SND1: variants seen among roughly 807,000 people sequenced by gnomAD.
SND1 encodes the protein staphylococcal nuclease domain-containing protein 1.
A neutral mutation model predicts 121.7 loss-of-function variants in SND1; 38 were observed. The observed-to-expected ratio is 0.31, with a 90% CI of 0.24 to 0.41. The LOEUF (loss-of-function observed/expected upper bound fraction) is 0.41, where lower values mean the gene tolerates loss of function less well. Ranked by LOEUF, SND1 falls within the 10% of genes least tolerant of loss-of-function variation. SND1 has a pLI of 1.00. For missense variants in SND1, 868 were observed against 1,184.6 expected, an observed-to-expected ratio of 0.73 and a Z score of 3.92; for synonymous variants, 401 against 447.4, an observed-to-expected ratio of 0.90 and a Z score of 1.31.
At chr7:128,058,257 A>G (rs1793174920) in intron 16 of SND1, among the ~76,000 whole-genome samples, 1 of 152,280 alleles carries the variant, frequency 6.6e-6, no homozygotes, top group Non-Finnish European at 1.5e-5. Context: ...TTCTCACTAC[A>G]TGTGCTTAGC....
intron 15 of SND1, among the ~76,000 whole-genome samples, chr7:127,983,979 C>T (rs568679985): frequency 1.8e-4 from 28 of 152,190 alleles, no homozygotes; most frequent in Non-Finnish European, 3.5e-4. Context: ...TGTGTTTACA[C>T]CTTTCAAATA....
At chr7:128,002,197 G>A (rs751084658) in intron 16 of SND1, among the ~76,000 whole-genome samples, 2 of 152,188 alleles carry the variant, frequency 1.3e-5, no homozygotes, top group Non-Finnish European at 2.9e-5. Flanking sequence ...CAGTCACCGC[G>A]CTGCTTTGGC....
intron 10 of SND1, among the ~76,000 whole-genome samples, chr7:127,794,470 G>A (rs929816103): frequency 6.6e-6 from 1 of 152,120 alleles, no homozygotes; most frequent in Admixed American, 6.5e-5. Context: ...TGTTCTTCCA[G>A]GAAGAAACTT....
At chr7:128,020,384 G>A (rs1461555196) in intron 16 of SND1, among the ~76,000 whole-genome samples, 11 of 152,216 alleles carry the variant, frequency 7.2e-5, no homozygotes, top group Non-Finnish European at 1.5e-5. Context: ...TGTAAGTCAT[G>A]GTGGCCCTGC....
intron 12 of SND1, among the ~76,000 whole-genome samples, chr7:127,849,164 G>T (rs931167828): frequency 2.0e-5 from 3 of 152,142 alleles, no homozygotes; most frequent in Admixed American, 6.5e-5. Flanking sequence ...TGTCAAGATG[G>T]CGCTTCCTGT....
intron 3 of SND1, among the ~76,000 whole-genome samples, chr7:127,698,269 G>A (rs1255240628): frequency 6.6e-6 from 1 of 152,110 alleles, no homozygotes; most frequent in East Asian, 1.9e-4. Context: ...AGAGGAATTG[G>A]ACTTTCTGGC....
intron 12 of SND1, among the ~76,000 whole-genome samples, chr7:127,846,430 T>C (rs2116651276): frequency 1.3e-5 from 2 of 152,294 alleles, no homozygotes; most frequent in Middle Eastern, 6.8e-3. Context: ...TCCTGAACTA[T>C]AGTTTGTGGT....
At chr7:127,797,220 G>A (rs770734940) in intron 10 of SND1, among the ~76,000 whole-genome samples, 3 of 152,104 alleles carry the variant, frequency 2.0e-5, no homozygotes, top group Non-Finnish European at 4.4e-5. Flanking sequence ...AGAGGAAACC[G>A]AGGCAAGCCA....
chr7:127,887,803 A>T, intron 12 of SND1, 99 bp from the exon 13 acceptor site: 1 of 705,090 alleles, frequency 1.4e-6, no homozygotes, highest in Admixed American at 2.2e-5. Flanking sequence ...TCCCTCTGCC[A>T]GAATGCGTTA....
At chr7:127,798,291 C>T (rs1242756285) in intron 10 of SND1, among the ~76,000 whole-genome samples, 4 of 152,196 alleles carry the variant, frequency 2.6e-5, no homozygotes, top group Non-Finnish European at 5.9e-5. Flanking sequence ...GCCACTGCCT[C>T]TTCTTTTCTG....
chr7:127,848,369 C>T (rs1026652968), intron 12 of SND1, among the ~76,000 whole-genome samples: 2 of 152,192 alleles, frequency 1.3e-5, no homozygotes, highest in African/African-American at 4.8e-5. Flanking sequence ...ACAAATGGCT[C>T]ATCTGGTTGG....
chr7:127,917,479 G>T (rs1005157355), intron 14 of SND1, among the ~76,000 whole-genome samples: 7 of 152,118 alleles, frequency 4.6e-5, no homozygotes, highest in Non-Finnish European at 1.0e-4. Flanking sequence ...ATATTAATGT[G>T]TGGTTTTTGT....
intron 10 of SND1, among the ~76,000 whole-genome samples, chr7:127,766,313 A>G (rs955041683): frequency 2.0e-5 from 3 of 152,186 alleles, no homozygotes; most frequent in Non-Finnish European, 4.4e-5. Flanking sequence ...AGTCTCAGGT[A>G]TTGTGTTATA....
At chr7:128,003,057 A>G (rs1245677004) in intron 16 of SND1, among the ~76,000 whole-genome samples, 1 of 152,166 alleles carries the variant, frequency 6.6e-6, no homozygotes, top group Non-Finnish European at 1.5e-5. Flanking sequence ...CCTTGTCTCT[A>G]ATGAAAATAC....
chr7:128,045,602 A>G (rs772417416), intron 16 of SND1, among the ~76,000 whole-genome samples: 3 of 152,214 alleles, frequency 2.0e-5, no homozygotes, highest in Non-Finnish European at 4.4e-5. Context: ...TTTAGGCTAT[A>G]TGTGTTTTAT....
At chr7:127,816,417 C>T (rs1247568147) in intron 11 of SND1, among the ~76,000 whole-genome samples, 1 of 152,158 alleles carries the variant, frequency 6.6e-6, no homozygotes, top group Non-Finnish European at 1.5e-5. Flanking sequence ...CAGGTGTTCT[C>T]CTTAACCTGG....
intron 16 of SND1, among the ~76,000 whole-genome samples, chr7:128,053,153 A>T (rs960044584): frequency 6.6e-6 from 1 of 152,242 alleles, no homozygotes; most frequent in African/African-American, 2.4e-5. Flanking sequence ...ATTGACAAGG[A>T]CAAGTTTTGG....
chr7:127,768,296 A>G (rs1213479240), intron 10 of SND1, among the ~76,000 whole-genome samples: 1 of 152,180 alleles, frequency 6.6e-6, no homozygotes, highest in Non-Finnish European at 1.5e-5. Context: ...CTTTTCCCTT[A>G]TAACAAACTT....
At position 128,085,334 on chromosome 7, in the gene SND1, G is replaced by A. The variant is rs977354729; in HGVS notation, c.2235-377G>A. ...GGGCCCATGGCCTTCCCAGGGTGAC[G>A]AAGTGACTTGGATATGTTCCCTGCT... is the stretch of plus-strand genomic sequence containing the variant. On this transcript the variant is annotated intron_variant, in intron 19 of 23. Coordinates refer to ENST00000354725, the MANE Select transcript of SND1 (RefSeq NM_014390.4). The surrounding 1 kb of genome is among the most constrained non-coding windows in gnomAD (Gnocchi z 4.4). Among the ~76,000 whole-genome samples, 1 of 152,092 alleles carries A rather than the reference G, an allele frequency of 6.6e-6. No individual in the cohort carries two copies. Among genetic ancestry groups the A allele is most frequent in the Non-Finnish European group, 1.5e-5 (1 of 68,036 alleles).
Sources: gnomAD v4.1 joint callset for allele counts (sites outside exome capture counted in the v4.1 genomes callset) on GRCh38, gnomAD v4.1.1 for gene constraint, Gnocchi (gnomAD v3.1) non-coding constraint, MANE v1.5 for transcripts, NCBI Gene and HGNC (gene_info 2026-07-23, HGNC 2026-07-21) for gene names.